The following DOCK3 variants were observed in gnomAD, a reference collection of about 807,000 sequenced individuals.
The protein encoded by DOCK3 is dedicator of cytokinesis protein 3.
A neutral mutation model predicts 265.6 loss-of-function variants in DOCK3; 60 were observed. The ratio of observed to expected loss-of-function variants is 0.23; its 90% CI spans 0.18 to 0.28. The LOEUF (loss-of-function observed/expected upper bound fraction) is 0.28, where lower values mean the gene tolerates loss of function less well. DOCK3 is among the 10% of genes least tolerant of loss of function. DOCK3 has a pLI of 1.00. For synonymous variants in DOCK3, 881 were observed against 938.0 expected (o/e 0.94, Z 1.11); for missense variants, 1,981 against 2,594.3 (o/e 0.76, Z 5.14).
intron 1 of DOCK3, among the ~76,000 whole-genome samples, chr3:50,777,045 T>C (rs2041641574): frequency 6.6e-6 from 1 of 152,118 alleles, no homozygotes; most frequent in African/African-American, 2.4e-5. Flanking sequence ...CCATCAGATC[T>C]CATGAGACTT....
intron 1 of DOCK3, among the ~76,000 whole-genome samples, chr3:50,683,037 T>A (rs2034524477): frequency 6.6e-6 from 1 of 152,226 alleles, no homozygotes. Flanking sequence ...CAGAAGGTTT[T>A]ACACACGTAT....
intron 1 of DOCK3, among the ~76,000 whole-genome samples, chr3:50,707,498 A>G (rs2036490720): frequency 1.3e-5 from 2 of 152,210 alleles, no homozygotes; most frequent in South Asian, 4.2e-4. Flanking sequence ...GAATAGCCTA[A>G]TACATCCCTG....
At chr3:50,681,481 A>G (rs1376776117) in intron 1 of DOCK3, among the ~76,000 whole-genome samples, 1 of 152,206 alleles carries the variant, frequency 6.6e-6, no homozygotes, top group Non-Finnish European at 1.5e-5. Context: ...ATTGTAATGA[A>G]CAAGCCAAAC....
chr3:51,027,171 AT>A (rs974100397), intron 5 of DOCK3, among the ~76,000 whole-genome samples: 30 of 151,246 alleles, frequency 2.0e-4, no homozygotes, highest in South Asian at 8.3e-4. Context: ...GTTTGAAATA[AT>A]TTTTTTTTGT....
At chr3:51,148,537 A>C (rs960836880) in intron 10 of DOCK3, among the ~76,000 whole-genome samples, 3 of 152,270 alleles carry the variant, frequency 2.0e-5, no homozygotes, top group Middle Eastern at 3.4e-3. Context: ...TAAGGAAGGG[A>C]TCCAGTTTCA....
intron 3 of DOCK3, among the ~76,000 whole-genome samples, chr3:50,863,799 T>C (rs2107525566): frequency 6.6e-6 from 1 of 152,348 alleles, no homozygotes; most frequent in East Asian, 1.9e-4. Context: ...TTTTATTTGT[T>C]TTTATCATTG....
At chr3:50,686,871 T>C (rs2034851639) in intron 1 of DOCK3, among the ~76,000 whole-genome samples, 1 of 127,978 alleles carries the variant, frequency 7.8e-6, no homozygotes, top group Non-Finnish European at 1.6e-5. Context: ...ATCACACCAC[T>C]ACACTCTAGC....
rs543229352 is a variant in DOCK3, at chr3:50,975,752, G to A, written c.315+41675G>A. Among the ~76,000 whole-genome samples, 210 of 152,170 alleles carry A rather than the reference G, an allele frequency of 1.4e-3. 2 individuals are homozygous for A. Among genetic ancestry groups the A allele is most frequent in the African/African-American group, 4.9e-3 (202 of 41,512 alleles). Reference sequence around the variant, plus strand: ...CTCCTTGTACTTCTGGTAGAATTCCGCTGTGAATCCATCTGGTCCTGGACT... The same window carrying A: ...CTCCTTGTACTTCTGGTAGAATTCCACTGTGAATCCATCTGGTCCTGGACT... On this transcript the variant is annotated intron_variant, in intron 5 of 52. Transcript: ENST00000266037.
At chr3:51,093,014 C>T (rs762199623) in intron 9 of DOCK3, among the ~76,000 whole-genome samples, 107 of 152,088 alleles carry the variant, frequency 7.0e-4, no homozygotes, top group Non-Finnish European at 2.9e-4. Context: ...TTTCTGAGGC[C>T]TCTCTTCTGT....
chr3:51,243,846 T>G (rs2078713718), intron 21 of DOCK3, among the ~76,000 whole-genome samples: 1 of 152,216 alleles, frequency 6.6e-6, no homozygotes, highest in Non-Finnish European at 1.5e-5. Flanking sequence ...TAGATTTAGG[T>G]CTTTGATCCA....
At chr3:51,347,357 G>A (rs979799975) in intron 38 of DOCK3, among the ~76,000 whole-genome samples, 1 of 152,114 alleles carries the variant, frequency 6.6e-6, no homozygotes, top group African/African-American at 2.4e-5. Context: ...TTCTACATAT[G>A]GCTAGCCAGT....
chr3:50,706,790 C>CTT lies in DOCK3; in HGVS notation c.37+31499_37+31500dup, dbSNP rs112056809. On this transcript the variant is annotated intron_variant, in intron 1 of 52. Coordinates refer to ENST00000266037, the MANE Select transcript of DOCK3 (RefSeq NM_004947.5). ...TAGGCTTTATCTATTCTTTTATATT[C>CTT]TTTTTTTTTTGATCTGACTTGGTTA... Among the ~76,000 whole-genome samples, 7 of 148,910 alleles carry CTT rather than the reference C, an allele frequency of 4.7e-5. No individual in the cohort carries two copies. The East Asian group carries it at 9.8e-4, about 21-fold the overall frequency.
intron 9 of DOCK3, among the ~76,000 whole-genome samples, chr3:51,092,490 G>C (rs935718998): frequency 6.6e-6 from 1 of 152,146 alleles, no homozygotes; most frequent in Non-Finnish European, 1.5e-5. Flanking sequence ...GGGCATCTCT[G>C]AAAAAAAGGC....
At chr3:50,779,437 G>T (rs1011477255) in intron 2 of DOCK3, among the ~76,000 whole-genome samples, 1 of 151,906 alleles carries the variant, frequency 6.6e-6, no homozygotes, top group African/African-American at 2.4e-5. Flanking sequence ...AGGCTGGAGC[G>T]CAATGGTGCG....
intron 1 of DOCK3, among the ~76,000 whole-genome samples, chr3:50,706,173 A>G (rs963699993): frequency 6.6e-6 from 1 of 152,134 alleles, no homozygotes; most frequent in Admixed American, 6.5e-5. Context: ...TTGTGAGTCA[A>G]TTAAACCCTT....
chr3:51,350,246 C>A, intron 39 of DOCK3, 42 bp from the exon 40 acceptor site: 1 of 1,560,054 alleles, frequency 6.4e-7, no homozygotes. Flanking sequence ...CTTTGGATAC[C>A]AACAGCAGTC....
At chr3:50,706,340 A>C (rs1012788720) in intron 1 of DOCK3, among the ~76,000 whole-genome samples, 6 of 152,148 alleles carry the variant, frequency 3.9e-5, no homozygotes, top group Non-Finnish European at 8.8e-5. Context: ...TTTTATTTCT[A>C]TTTTGAAGGA....
intron 9 of DOCK3, among the ~76,000 whole-genome samples, chr3:51,112,098 T>C (rs905200044): frequency 6.6e-6 from 1 of 152,190 alleles, no homozygotes; most frequent in Non-Finnish European, 1.5e-5. Context: ...GGAACACTTA[T>C]ACACTGTTGG....
chr3:51,251,635 T>G (rs1249961036), intron 22 of DOCK3, among the ~76,000 whole-genome samples: 1 of 152,274 alleles, frequency 6.6e-6, no homozygotes, highest in African/African-American at 2.4e-5. Flanking sequence ...TGATGAGCTT[T>G]TTTTCATATG....
Sources: gnomAD v4.1 joint callset for allele counts (sites outside exome capture counted in the v4.1 genomes callset) on GRCh38, gnomAD v4.1.1 for gene constraint, MANE v1.5 for transcripts, NCBI Gene and HGNC (gene_info 2026-07-23, HGNC 2026-07-21) for gene names.